WWC1: variants seen among roughly 807,000 people sequenced by gnomAD.
The protein encoded by WWC1 is protein KIBRA.
WWC1 carries 55 observed loss-of-function variants against 138.4 expected under a neutral mutation model. The observed-to-expected ratio is 0.40, with a 90% CI of 0.32 to 0.50. The LOEUF is 0.50. Ranked by LOEUF, WWC1 falls within the 20% of genes least tolerant of loss-of-function variation. WWC1 has a pLI of 0.72. For missense variants in WWC1, 1,226 were observed against 1,420.4 expected, an observed-to-expected ratio of 0.86 and a Z score of 2.20; for synonymous variants, 524 against 564.9, an observed-to-expected ratio of 0.93 and a Z score of 1.03.
chr5:168,411,951 G>T (rs1780261324), intron 8 of WWC1: 2 of 978,618 alleles, frequency 2.0e-6, no homozygotes, highest in Non-Finnish European at 2.4e-6. Flanking sequence ...AAAAGAAGAA[G>T]GAATTGAATA....
chr5:168,359,846 A>C (rs1490118987), intron 1 of WWC1, among the ~76,000 whole-genome samples: 2 of 152,114 alleles, frequency 1.3e-5, no homozygotes, highest in African/African-American at 4.8e-5. Flanking sequence ...TGTGCTTTTA[A>C]TATTGTCCTT....
intron 1 of WWC1, among the ~76,000 whole-genome samples, chr5:168,309,802 T>C (rs1467227822): frequency 1.3e-5 from 2 of 152,134 alleles, no homozygotes; most frequent in Non-Finnish European, 2.9e-5. Flanking sequence ...CCTAGGGGTG[T>C]CCTGTGTCCC....
At chr5:168,363,524 C>CAAAAAAAAAAA (rs386405611) in intron 1 of WWC1, among the ~76,000 whole-genome samples, 1 of 65,784 alleles carries the variant, frequency 1.5e-5, no homozygotes, top group Non-Finnish European at 2.6e-5. Context: ...GACTCTGTCT[C>CAAAAAAAAAAA]AAAAAAAAAA....
chr5:168,303,759 T>C (rs1208581916), intron 1 of WWC1, among the ~76,000 whole-genome samples: 3 of 152,162 alleles, frequency 2.0e-5, no homozygotes, highest in Non-Finnish European at 4.4e-5. Context: ...TCAGTGGAAC[T>C]GAGCCAGGAC....
At chr5:168,311,681 G>C (rs182044054) in intron 1 of WWC1, among the ~76,000 whole-genome samples, 8 of 152,096 alleles carry the variant, frequency 5.3e-5, no homozygotes, top group African/African-American at 1.7e-4. Flanking sequence ...GACCAGCCTG[G>C]CCAACATGGC....
intron 2 of WWC1, among the ~76,000 whole-genome samples, chr5:168,372,030 A>T (rs1582069990): frequency 1.5e-5 from 1 of 68,210 alleles, no homozygotes; most frequent in East Asian, 3.6e-4. Context: ...GGCGAGAGAG[A>T]GAGAGAGAGA....
At chr5:168,380,441 CA>C (rs201697577) in intron 2 of WWC1, among the ~76,000 whole-genome samples, 1 of 151,340 alleles carries the variant, frequency 6.6e-6, no homozygotes, top group Non-Finnish European at 1.5e-5. Context: ...ACCCCCATCT[CA>C]AAAAAATAAA....
At chr5:168,441,646 C>T (rs763295090) in intron 15 of WWC1, 36 bp from the exon 16 acceptor site, 12 of 1,600,760 alleles carry the variant, frequency 7.5e-6, no homozygotes, top group South Asian at 2.2e-5. Context: ...TCCCCCCCAC[C>T]GCCACTTATG....
chr5:168,322,337 C>CT (rs572607754), intron 1 of WWC1, among the ~76,000 whole-genome samples: 3 of 151,428 alleles, frequency 2.0e-5, no homozygotes, highest in African/African-American at 7.3e-5. Context: ...CCTTCTGGGA[C>CT]TAGGCAGGCT....
intron 16 of WWC1, 156 bp downstream of exon 16, chr5:168,441,990 C>A: frequency 1.7e-6 from 2 of 1,154,302 alleles, no homozygotes; most frequent in Non-Finnish European, 2.3e-6. Flanking sequence ...GAGATCTCCA[C>A]TAAGGGGCAG....
At chr5:168,299,484 G>A (rs1033873816) in intron 1 of WWC1, among the ~76,000 whole-genome samples, 1 of 152,208 alleles carries the variant, frequency 6.6e-6, no homozygotes, top group African/African-American at 2.4e-5. Context: ...GATGCAGTGT[G>A]TACAAGGAGT....
chr5:168,460,841 T>C, intron 20 of WWC1, 99 bp downstream of exon 20: 4 of 1,262,272 alleles, frequency 3.2e-6, no homozygotes, highest in Non-Finnish European at 3.4e-6. Context: ...TGGCCATTTC[T>C]CCTCAGCCAC....
At chr5:168,403,946 C>T (rs1278536709) in intron 5 of WWC1, among the ~76,000 whole-genome samples, 1 of 151,474 alleles carries the variant, frequency 6.6e-6, no homozygotes, top group East Asian at 1.9e-4. Flanking sequence ...GATTCATTCA[C>T]CGTGTGCATA....
In WWC1 at chr5:168,385,305, T is replaced by G. The variant is rs762004252; in HGVS notation, c.324T>G (p.Ser108Arg). The G allele has an allele frequency of 1.2e-5, 19 of 1,613,690 alleles. No individual in the cohort carries two copies. Among genetic ancestry groups the G allele is most frequent in the Non-Finnish European group, 1.6e-5 (19 of 1,179,944 alleles). The change falls in exon 3 of 23, where the codon AGT becomes AGG. Residue 108 changes from serine (S) to arginine (R), a missense_variant. Ser to Arg is a moderately radical substitution (Grantham distance 110). Transcript: ENST00000265293. ...TGGTGGTGGCCCAGGAGGCTCTGAG[T>G]GCACAAAAGGAGATCTACCAGGTGA... ...DYLVVAQEAL[S>R]AQKEIYQVKQ...
chr5:168,304,592 C>G (rs1770382503), intron 1 of WWC1, among the ~76,000 whole-genome samples: 1 of 152,086 alleles, frequency 6.6e-6, no homozygotes, highest in African/African-American at 2.4e-5. Context: ...TTCTCATGTC[C>G]CATGTCAGAC....
At position 168,292,304 on chromosome 5, in the gene WWC1, C is replaced by G; in HGVS notation, c.119+33C>G. On this transcript the variant is annotated intron_variant, in intron 1 of 22. Transcript: ENST00000265293. The surrounding 1 kb of genome is among the most constrained non-coding windows in gnomAD (Gnocchi z 4.4). ...CCTGGAACCCTCCTCCGTGCCCCCA[C>G]ACCCCCGCCTGGGCCCCCACCTGCC... 6.4e-7 allele frequency: 1 copy of G among 1,559,738 alleles called. No homozygotes were observed.
chr5:168,429,416 G>A (rs1191213578), intron 13 of WWC1, among the ~76,000 whole-genome samples: 1 of 151,696 alleles, frequency 6.6e-6, no homozygotes, highest in Non-Finnish European at 1.5e-5. Context: ...GTGCCACCAC[G>A]CCCGGCTAAC....
chr5:168,421,852 A>G (rs1781110128), intron 9 of WWC1, among the ~76,000 whole-genome samples, 156 bp from the exon 10 acceptor site: 1 of 152,216 alleles, frequency 6.6e-6, no homozygotes, highest in Non-Finnish European at 1.5e-5. Context: ...CAGTTATCAT[A>G]GGATTATAAT....
At chr5:168,300,219 C>T (rs1184471209) in intron 1 of WWC1, among the ~76,000 whole-genome samples, 1 of 152,166 alleles carries the variant, frequency 6.6e-6, no homozygotes. Flanking sequence ...AAACTGGATA[C>T]AGTGACATTT....
Sources: gnomAD v4.1 joint callset for allele counts (sites outside exome capture counted in the v4.1 genomes callset) on GRCh38, gnomAD v4.1.1 for gene constraint, Gnocchi (gnomAD v3.1) non-coding constraint, MANE v1.5 for transcripts, NCBI Gene and HGNC (gene_info 2026-07-23, HGNC 2026-07-21) for gene names.